Variants in ARMH3 observed in about 807,000 individuals in gnomAD.
ARMH3 encodes armadillo-like helical domain-containing protein 3.
A neutral mutation model predicts 99.1 loss-of-function variants in ARMH3; 60 were observed. The observed-to-expected ratio is 0.61, with a 90% CI of 0.49 to 0.75. ARMH3 has a LOEUF of 0.75. Among genes scored for constraint, ARMH3 ranks in the 30% least tolerant of loss-of-function variants. The pLI, the probability that ARMH3 is intolerant of heterozygous loss-of-function variation, is 0.00. For synonymous variants in ARMH3, 285 were observed against 292.8 expected (o/e 0.97, Z 0.27); for missense variants, 679 against 843.1 (o/e 0.81, Z 2.41).
intron 24 of ARMH3, among the ~76,000 whole-genome samples, chr10:101,876,582 T>C (rs2135389250): frequency 6.6e-6 from 1 of 152,312 alleles, no homozygotes; most frequent in South Asian, 2.1e-4. Context: ...AAAGTCAAAA[T>C]GCTGTTATGG....
intron 20 of ARMH3, among the ~76,000 whole-genome samples, chr10:101,970,454 CATCATTA>C (rs1383487977): frequency 1.3e-5 from 2 of 152,130 alleles, no homozygotes; most frequent in Non-Finnish European, 2.9e-5. Flanking sequence ...AATGTTGATC[CATCATTA>C]ATGAAAATCT....
chr10:101,913,625 C>CA (rs1240133898), intron 23 of ARMH3, among the ~76,000 whole-genome samples: 1 of 152,156 alleles, frequency 6.6e-6, no homozygotes, highest in Non-Finnish European at 1.5e-5. Flanking sequence ...CTCGGCCTCC[C>CA]AAAGTGCTGG....
intron 23 of ARMH3, among the ~76,000 whole-genome samples, chr10:101,903,024 C>T (rs1178326636): frequency 6.6e-6 from 1 of 152,116 alleles, no homozygotes; most frequent in Non-Finnish European, 1.5e-5. Context: ...TTATTAGCTG[C>T]CATCTCTTCA....
At chr10:101,912,101 T>A (rs943180549) in intron 23 of ARMH3, among the ~76,000 whole-genome samples, 12 of 148,514 alleles carry the variant, frequency 8.1e-5, no homozygotes, top group African/African-American at 3.0e-4. Flanking sequence ...CCAAAGAAAA[T>A]GATTTGAGCA....
intron 24 of ARMH3, among the ~76,000 whole-genome samples, chr10:101,858,354 T>C (rs1284771155): frequency 6.6e-6 from 1 of 152,228 alleles, no homozygotes; most frequent in Non-Finnish European, 1.5e-5. Context: ...TAAGCCTGTT[T>C]GTTCATCTTT....
chr10:102,029,487 C>T, intron 5 of ARMH3, 151 bp downstream of exon 5: 1 of 1,559,372 alleles, frequency 6.4e-7, no homozygotes, highest in African/African-American at 1.4e-5. Flanking sequence ...TAAAGCAAAT[C>T]TGTGAAATAA....
chr10:101,934,893 G>A (rs1320514102), intron 23 of ARMH3, among the ~76,000 whole-genome samples: 1 of 152,004 alleles, frequency 6.6e-6, no homozygotes, highest in Non-Finnish European at 1.5e-5. Context: ...GAAATATTTA[G>A]CATATAAGTC....
chr10:101,931,525 A>C lies in ARMH3; in HGVS notation c.1781+8338T>G, dbSNP rs545038284. On this transcript the variant is annotated intron_variant, in intron 23 of 25. Coordinates refer to ENST00000370033, the MANE Select transcript of ARMH3 (RefSeq NM_024541.3). Reference sequence around the variant, plus strand: ...GGGCAACAAGAACAAAACTGTCACAAAAAAAAAAAGCAGTGGGCATTAGGG... The same window carrying C: ...GGGCAACAAGAACAAAACTGTCACACAAAAAAAAAGCAGTGGGCATTAGGG... Among the ~76,000 whole-genome samples, 603 of 149,334 alleles carry C rather than the reference A, an allele frequency of 4.0e-3. 1 individual carries two copies. Among genetic ancestry groups the C allele is most frequent in the Middle Eastern group, 0.021 (6 of 288 alleles).
intron 24 of ARMH3, among the ~76,000 whole-genome samples, chr10:101,883,989 C>G (rs1191273987): frequency 6.8e-6 from 1 of 147,730 alleles, no homozygotes; most frequent in Non-Finnish European, 1.5e-5. Flanking sequence ...GGAGATCTCA[C>G]ACACACACAC....
chr10:102,013,493 T>G (rs778451325), intron 9 of ARMH3, among the ~76,000 whole-genome samples: 2 of 152,220 alleles, frequency 1.3e-5, no homozygotes, highest in Non-Finnish European at 2.9e-5. Context: ...CCTGGTCATC[T>G]TCTTCCTCCC....
chr10:101,957,505 C>T, intron 21 of ARMH3, 145 bp downstream of exon 21: 1 of 782,498 alleles, frequency 1.3e-6, no homozygotes, highest in Non-Finnish European at 1.9e-6. Flanking sequence ...TGGGGACCAC[C>T]AGTCCAGATT....
intron 2 of ARMH3, among the ~76,000 whole-genome samples, chr10:102,037,077 G>T (rs1183613327): frequency 6.7e-6 from 1 of 150,090 alleles, no homozygotes; most frequent in African/African-American, 2.4e-5. Flanking sequence ...ATAAATAATT[G>T]ATTAATTAAA....
chr10:101,853,618 C>T (rs1016685232), intron 24 of ARMH3, among the ~76,000 whole-genome samples: 4 of 152,206 alleles, frequency 2.6e-5, no homozygotes, highest in African/African-American at 7.2e-5. Context: ...TAACAGTCTA[C>T]GCCCCCGCAA....
At chr10:101,952,558 A>G (rs1844840120) in intron 22 of ARMH3, 1 of 152,178 alleles carries the variant, frequency 6.6e-6, no homozygotes, top group Non-Finnish European at 1.5e-5. Flanking sequence ...AAAAGAAAAG[A>G]AAAGAAAGAC....
At chr10:101,993,682 C>A in intron 16 of ARMH3, 79 bp from the exon 17 acceptor site, 1 of 1,005,206 alleles carries the variant, frequency 9.9e-7, no homozygotes, top group East Asian at 2.5e-5. Context: ...CGTACAAATC[C>A]TTGGACTTTG....
At chr10:102,024,092 C>T (rs1315060820) in intron 6 of ARMH3, among the ~76,000 whole-genome samples, 1 of 152,164 alleles carries the variant, frequency 6.6e-6, no homozygotes, top group Non-Finnish European at 1.5e-5. Context: ...GAAAGGGACC[C>T]TCCTAAAGTA....
rs2066686999 is a variant in ARMH3 at position 102,013,956 on chromosome 10, C to G, written c.726+12G>C. The G allele has an allele frequency of 6.3e-7, 1 of 1,590,174 alleles. No individual in the cohort carries two copies. The highest frequency in any genetic ancestry group is 8.6e-7 in the Non-Finnish European group (1 of 1,163,866). Reference sequence around the variant, plus strand: ...AATAAGTAAGACAATACACAAGGATCCAGATACTCACATTGAGTGTGGCCT... The same window carrying G: ...AATAAGTAAGACAATACACAAGGATGCAGATACTCACATTGAGTGTGGCCT... On this transcript the variant is annotated intron_variant, in intron 9 of 25. Transcript: ENST00000370033.
chr10:101,889,208 A>G (rs957405758), intron 24 of ARMH3, among the ~76,000 whole-genome samples: 2 of 152,246 alleles, frequency 1.3e-5, no homozygotes, highest in Admixed American at 6.5e-5. Context: ...TATATAATTA[A>G]CAAACCCTTC....
At chr10:101,936,399 G>C (rs1264069706) in intron 23 of ARMH3, among the ~76,000 whole-genome samples, 1 of 150,442 alleles carries the variant, frequency 6.6e-6, no homozygotes, top group Non-Finnish European at 1.5e-5. Context: ...GGCTGAGGCA[G>C]CAGAATCACT....
Sources: allele counts gnomAD v4.1 joint callset (sites outside exome capture counted in the v4.1 genomes callset), GRCh38; gene constraint gnomAD v4.1.1; transcripts MANE v1.5; gene names NCBI Gene and HGNC (gene_info 2026-07-23, HGNC 2026-07-21).